GALNT5: variants seen among roughly 807,000 people sequenced by gnomAD.
The protein encoded by GALNT5 is polypeptide N-acetylgalactosaminyltransferase 5.
A neutral mutation model predicts 85.4 loss-of-function variants in GALNT5; 72 were observed. The observed-to-expected ratio is 0.84, with a 90% CI of 0.70 to 1.03. GALNT5 has a LOEUF of 1.03. Ranked by LOEUF, GALNT5 falls within the 50% of genes least tolerant of loss-of-function variation. The pLI, the probability that GALNT5 is intolerant of heterozygous loss-of-function variation, is 0.00. For missense variants in GALNT5, 1,137 were observed against 1,135.5 expected (o/e 1.00, Z -0.02); for synonymous variants, 404 against 397.0 (o/e 1.02, Z -0.21).
intron 1 of GALNT5, among the ~76,000 whole-genome samples, chr2:157,262,634 A>AAACAAC (rs201143254): frequency 8.0e-5 from 11 of 137,038 alleles, no homozygotes; most frequent in South Asian, 2.1e-4. Context: ...TTGTCTCAGA[A>AAACAAC]AACAACAACA....
chr2:157,270,006 A>T (rs74323599), intron 1 of GALNT5, among the ~76,000 whole-genome samples: 3,801 of 152,246 alleles, frequency 0.025, 158 homozygotes, highest in East Asian at 0.13. Flanking sequence ...TAACTGTGAA[A>T]TGTGAATTTC....
chr2:157,286,610 T>G (rs998707435), intron 3 of GALNT5, among the ~76,000 whole-genome samples: 11 of 152,052 alleles, frequency 7.2e-5, no homozygotes, highest in Non-Finnish European at 1.5e-4. Context: ...TTCACACCGT[T>G]CTCCTGCCTC....
intron 2 of GALNT5, among the ~76,000 whole-genome samples, chr2:157,285,529 G>A (rs1450352976): frequency 6.6e-6 from 1 of 152,190 alleles, no homozygotes; most frequent in Non-Finnish European, 1.5e-5. Flanking sequence ...TCCTTTAGCT[G>A]GATCCCTCCA....
intron 1 of GALNT5, among the ~76,000 whole-genome samples, chr2:157,261,389 G>A (rs1048016331): frequency 2.0e-5 from 3 of 152,290 alleles, no homozygotes; most frequent in African/African-American, 7.2e-5. Context: ...ACTTTGTTCT[G>A]TAGAAGTTAA....
In GALNT5 at chr2:157,312,202, C is replaced by A. The variant is rs1178136676; in HGVS notation, c.*854C>A. 1 of 151,806 alleles carries A rather than the reference C, an allele frequency of 6.6e-6. No homozygotes were observed. The highest frequency in any genetic ancestry group is 1.9e-4 in the East Asian group (1 of 5,182). 9.4% of individuals were successfully genotyped at this position (151,806 alleles called of 1,614,324 possible). A position where few individuals can be genotyped will look rare whatever the true frequency, so the allele number is the denominator to read the frequency against. On this transcript the variant is annotated 3_prime_UTR_variant, in exon 10 of 10. Coordinates refer to ENST00000259056, the MANE Select transcript of GALNT5 (RefSeq NM_014568.3). ...GCATTGAATGCACTCTAGTGCAGGG[C>A]CAAGTAAGAGGAGTTGAAATGAGTA...
rs1444972007 is a variant in GALNT5, at chr2:157,291,045, G to A, written c.1742-4618G>A. On this transcript the variant is annotated intron_variant, in intron 3 of 9. Transcript: ENST00000259056. ...GGATTTTAAAATTGACAGGTAGGCC[G>A]GGGCAATGGATCTCTAAGAATTGCC... Among the ~76,000 whole-genome samples the A allele has an allele frequency of 4.6e-5, 7 of 152,218 alleles. No homozygotes were observed. In the East Asian group the frequency reaches 5.8e-4, roughly 13 times the overall value.
At position 157,316,965 on chromosome 2, in the gene GALNT5, A is replaced by G. The variant is rs1363846798; in HGVS notation, c.*5617A>G. The stretch of plus-strand genomic sequence containing the variant: ...GTTTCTAATAATGAGTCACCATCAA[A>G]TAAGTAATAAATATTTTTTTCAAAA... On this transcript the variant is annotated 3_prime_UTR_variant, in exon 10 of 10. Transcript: ENST00000259056. Among the ~76,000 whole-genome samples, 1 of 151,986 alleles carries G rather than the reference A, an allele frequency of 6.6e-6. No individual in the cohort carries two copies. Among genetic ancestry groups the G allele is most frequent in the African/African-American group, 2.4e-5 (1 of 41,438 alleles).
At chr2:157,303,185 T>C (rs1469975149) in intron 7 of GALNT5, among the ~76,000 whole-genome samples, 1 of 152,242 alleles carries the variant, frequency 6.6e-6, no homozygotes, top group South Asian at 2.1e-4. Context: ...ACCAATAATG[T>C]ATTTTTCACT....
chr2:157,312,436 C>G lies in GALNT5; in HGVS notation c.*1088C>G, dbSNP rs987828209. On this transcript the variant is annotated 3_prime_UTR_variant, in exon 10 of 10. Transcript: ENST00000259056. Reference sequence around the variant, plus strand: ...AGAGTTAAGAAAAAATTCCGCTGGACTTGGCCAAAGAAAGAAGGGGATCTA... The same window carrying G: ...AGAGTTAAGAAAAAATTCCGCTGGAGTTGGCCAAAGAAAGAAGGGGATCTA... 1 of 150,198 alleles carries G rather than the reference C, an allele frequency of 6.7e-6. No homozygotes were observed. The highest frequency in any genetic ancestry group is 2.5e-5 in the African/African-American group (1 of 40,762). The allele number at this position is 150,198 out of a possible 1,614,324, so 9.3% of individuals were successfully genotyped here. A position where few individuals can be genotyped will look rare whatever the true frequency, so the allele number is the denominator to read the frequency against.
chr2:157,282,596 T>G (rs1377141928), intron 1 of GALNT5, among the ~76,000 whole-genome samples: 1 of 152,198 alleles, frequency 6.6e-6, no homozygotes, highest in Non-Finnish European at 1.5e-5. Context: ...AATGTTTATA[T>G]GTAATCTTAT....
chr2:157,274,180 C>G (rs556891878), intron 1 of GALNT5, among the ~76,000 whole-genome samples: 1 of 152,170 alleles, frequency 6.6e-6, no homozygotes, highest in Non-Finnish European at 1.5e-5. Flanking sequence ...CATAGTATTC[C>G]ATGGTGTATA....
At chr2:157,297,683 T>C (rs907644837) in intron 5 of GALNT5, among the ~76,000 whole-genome samples, 2 of 152,094 alleles carry the variant, frequency 1.3e-5, no homozygotes, top group East Asian at 1.9e-4. Context: ...AAAATGAACA[T>C]AAATGGTGGC....
At chr2:157,274,059 G>A (rs1348802215) in intron 1 of GALNT5, among the ~76,000 whole-genome samples, 4 of 151,968 alleles carry the variant, frequency 2.6e-5, no homozygotes, top group Non-Finnish European at 5.9e-5. Flanking sequence ...CCACCTATGA[G>A]TGAAAACATG....
At chr2:157,286,530 G>A (rs927750462) in intron 3 of GALNT5, among the ~76,000 whole-genome samples, 3 of 152,012 alleles carry the variant, frequency 2.0e-5, no homozygotes, top group Non-Finnish European at 1.5e-5. Context: ...TTGAGACAGA[G>A]TCTCGCTCTG....
At chr2:157,271,293 G>A (rs1682579011) in intron 1 of GALNT5, among the ~76,000 whole-genome samples, 1 of 152,212 alleles carries the variant, frequency 6.6e-6, no homozygotes, top group African/African-American at 2.4e-5. Flanking sequence ...AAGGTGGAGT[G>A]TGTGAGGGGA....
chr2:157,303,119 G>A (rs1396310378), intron 7 of GALNT5, among the ~76,000 whole-genome samples: 2 of 151,906 alleles, frequency 1.3e-5, no homozygotes, highest in African/African-American at 2.4e-5. Context: ...TTTGTGTTTT[G>A]TAATAAGAAC....
intron 3 of GALNT5, among the ~76,000 whole-genome samples, chr2:157,288,746 C>A (rs1349071976): frequency 1.3e-5 from 2 of 152,198 alleles, no homozygotes; most frequent in African/African-American, 2.4e-5. Flanking sequence ...CTCATTCTGG[C>A]CACTGTGTAG....
At chr2:157,259,957 A>G (rs1156460046) in intron 1 of GALNT5, among the ~76,000 whole-genome samples, 1 of 152,252 alleles carries the variant, frequency 6.6e-6, no homozygotes, top group East Asian at 1.9e-4. Flanking sequence ...AGAAGCACAC[A>G]GAAGGACTCT....
At chr2:157,311,013 T>A (rs940834190) in intron 9 of GALNT5, among the ~76,000 whole-genome samples, 195 bp from the exon 10 acceptor site, 2 of 152,210 alleles carry the variant, frequency 1.3e-5, no homozygotes, top group Non-Finnish European at 2.9e-5. Flanking sequence ...TGGTGGAGGA[T>A]GATTACTTAG....
Sources: allele counts gnomAD v4.1 joint callset (sites outside exome capture counted in the v4.1 genomes callset), GRCh38; gene constraint gnomAD v4.1.1; transcripts MANE v1.5; gene names NCBI Gene and HGNC (gene_info 2026-07-23, HGNC 2026-07-21).